The following HRH4 variants were observed in gnomAD, a reference collection of about 807,000 sequenced individuals.
HRH4 encodes histamine H4 receptor.
A neutral mutation model predicts 10.4 loss-of-function variants in HRH4; 12 were observed. That is an observed-to-expected ratio of 1.15 (90% CI 0.74 to 1.87). The LOEUF (loss-of-function observed/expected upper bound fraction) is 1.87. Among genes scored for constraint, HRH4 ranks in the 40% most tolerant of loss-of-function variants. The pLI is 0.00. For missense variants in HRH4, 415 were observed against 453.3 expected (o/e 0.92, Z 0.77); for synonymous variants, 154 against 166.6 (o/e 0.92, Z 0.58).
chr18:24,470,328 A>G (rs1909898128), intron 2 of HRH4, among the ~76,000 whole-genome samples: 1 of 152,154 alleles, frequency 6.6e-6, no homozygotes, highest in South Asian at 2.1e-4. Flanking sequence ...CATTATCAAG[A>G]GCCAGATAGC....
intron 2 of HRH4, among the ~76,000 whole-genome samples, chr18:24,474,409 T>C (rs1372589209): frequency 1.3e-5 from 2 of 152,178 alleles, no homozygotes; most frequent in South Asian, 2.1e-4. Flanking sequence ...TTAGTGTTTT[T>C]ATTTTTAAAT....
chr18:24,462,107 G>A (rs918753549), intron 1 of HRH4, among the ~76,000 whole-genome samples: 3 of 152,192 alleles, frequency 2.0e-5, no homozygotes, highest in Non-Finnish European at 4.4e-5. Context: ...TCCATAGTCA[G>A]AGATAGGGCG....
At position 24,460,716 on chromosome 18, in the gene HRH4, A is replaced by G; in HGVS notation, c.-13A>G. 6.7e-7 allele frequency: 1 copy of G among 1,485,558 alleles called. No individual in the cohort carries two copies. Among genetic ancestry groups the G allele is most frequent in the Non-Finnish European group, 9.1e-7 (1 of 1,103,736 alleles). The allele number at this position is 1,485,558 out of a possible 1,614,324, so 92.0% of individuals were successfully genotyped here. Reference sequence around the variant, plus strand: ...TTAATTTGCTAATTTGACCTTCTTCATCATTTGATGTGATGCCAGATACTA... The same window carrying G: ...TTAATTTGCTAATTTGACCTTCTTCGTCATTTGATGTGATGCCAGATACTA... On this transcript the variant is annotated 5_prime_UTR_variant, in exon 1 of 3. Transcript: ENST00000256906.
intron 1 of HRH4, among the ~76,000 whole-genome samples, chr18:24,468,195 A>G (rs536749063): frequency 6.6e-6 from 1 of 152,040 alleles, no homozygotes; most frequent in African/African-American, 2.4e-5. Flanking sequence ...CCTCCCATAT[A>G]CTTTATTATT....
intron 1 of HRH4, among the ~76,000 whole-genome samples, chr18:24,467,667 C>T (rs1012658244): frequency 7.9e-5 from 12 of 152,172 alleles, no homozygotes; most frequent in Non-Finnish European, 1.5e-4. Flanking sequence ...CCTCAGCCTC[C>T]TGAATAACTG....
intron 1 of HRH4, among the ~76,000 whole-genome samples, chr18:24,466,746 G>T (rs945730149): frequency 8.6e-5 from 13 of 151,752 alleles, no homozygotes; most frequent in Non-Finnish European, 1.8e-4. Context: ...GACTAATTTG[G>T]TTCTCATGAA....
rs1228077674 is a variant in HRH4, at chr18:24,460,689, G to T, written c.-40G>T. ...CATACTTGTCAGAATTGTCTGGCTG[G>T]ATTAATTTGCTAATTTGACCTTCTT... On this transcript the variant is annotated 5_prime_UTR_variant, in exon 1 of 3. Transcript: ENST00000256906. 1.9e-5 allele frequency: 26 copies of T among 1,348,508 alleles called. No homozygotes were observed. The highest frequency in any genetic ancestry group is 2.5e-4 in the Middle Eastern group (1 of 3,976). The allele number at this position is 1,348,508 out of a possible 1,614,324, so 83.5% of individuals were successfully genotyped here.
intron 1 of HRH4, among the ~76,000 whole-genome samples, chr18:24,467,395 G>A (rs1909804933): frequency 6.6e-6 from 1 of 152,198 alleles, no homozygotes; most frequent in Non-Finnish European, 1.5e-5. Flanking sequence ...TAATGCATGA[G>A]AGAGGGAAAG....
At chr18:24,469,780 T>C (rs956626374) in intron 2 of HRH4, among the ~76,000 whole-genome samples, 5 of 152,138 alleles carry the variant, frequency 3.3e-5, no homozygotes, top group African/African-American at 1.2e-4. Context: ...TGTTTTGGCC[T>C]CAGGGGGTAT....
At chr18:24,473,545 G>C (rs1416371820) in intron 2 of HRH4, among the ~76,000 whole-genome samples, 1 of 152,176 alleles carries the variant, frequency 6.6e-6, no homozygotes, top group Non-Finnish European at 1.5e-5. Context: ...GTAACGTGGT[G>C]TTGTCTCCCT....
intron 1 of HRH4, among the ~76,000 whole-genome samples, chr18:24,468,576 A>G (rs755687662): frequency 1.3e-5 from 2 of 152,210 alleles, no homozygotes; most frequent in Non-Finnish European, 2.9e-5. Flanking sequence ...CCACTGTGCA[A>G]TGTTCATGAC....
In HRH4 at chr18:24,468,828, C is replaced by A; in HGVS notation, c.234C>A (p.Phe78Leu). 1.2e-6 allele frequency: 2 copies of A among 1,613,930 alleles called. No individual in the cohort carries two copies. The highest frequency in any genetic ancestry group is 1.7e-6 in the Non-Finnish European group (2 of 1,179,934). The change falls in exon 2 of 3, where the codon TTC (phenylalanine) becomes TTA (leucine). Residue 78 changes from phenylalanine to leucine, a missense_variant. Phe to Leu is a conservative substitution (Grantham distance 22). Transcript: ENST00000256906. ...SIPLYIPHTL[F>L]EWDFGKEICV... ...CTTTGTACATCCCTCACACGCTGTTCGAATGGGATTTTGGAAAGGAAATCT... is the reference window on the plus strand; with the variant it reads ...CTTTGTACATCCCTCACACGCTGTTAGAATGGGATTTTGGAAAGGAAATCT...
At chr18:24,474,715 T>G (rs1361748767) in intron 2 of HRH4, among the ~76,000 whole-genome samples, 1 of 145,778 alleles carries the variant, frequency 6.9e-6, no homozygotes, top group Non-Finnish European at 1.5e-5. Flanking sequence ...TTTTTGAGAG[T>G]CTCACTCTGT....
chr18:24,477,030 C>T lies in HRH4; in HGVS notation c.641C>T (p.Pro214Leu). Reference sequence around the variant, plus strand: ...CATCTCAGTAGGTGCCAAAGCCATCCTGGACTGACTGCTGTCTCTTCCAAC... The same window carrying T: ...CATCTCAGTAGGTGCCAAAGCCATCTTGGACTGACTGCTGTCTCTTCCAAC... ...RDHLSRCQSH[P>L]GLTAVSSNIC... The change falls in exon 3 of 3, where the codon CCT (proline) becomes CTT (leucine). Residue 214 changes from proline to leucine, a missense_variant. Pro to Leu is a moderately conservative substitution (Grantham distance 98). Coordinates refer to ENST00000256906, the MANE Select transcript of HRH4 (RefSeq NM_021624.4). 6.2e-7 allele frequency: 1 copy of T among 1,614,194 alleles called. No individual in the cohort carries two copies. Among genetic ancestry groups the T allele is most frequent in the Non-Finnish European group, 8.5e-7 (1 of 1,180,026 alleles).
chr18:24,472,027 G>GT (rs549203192), intron 2 of HRH4, among the ~76,000 whole-genome samples: 1 of 151,864 alleles, frequency 6.6e-6, no homozygotes, highest in Admixed American at 6.6e-5. Flanking sequence ...CTTTCTTTTT[G>GT]TTTTTTTGCT....
chr18:24,460,939 A>G lies in HRH4; in HGVS notation c.193+18A>G, dbSNP rs759306384. ...CTTTGTGGGTAAGTTATATGTCTTT[A>G]TTTAAGACAGTCTTTTCCGATTTTA... On this transcript the variant is annotated intron_variant, in intron 1 of 2. Coordinates refer to ENST00000256906, the MANE Select transcript of HRH4 (RefSeq NM_021624.4). 9 of 1,436,308 alleles carry G rather than the reference A, an allele frequency of 6.3e-6. No homozygotes were observed. Among genetic ancestry groups the G allele is most frequent in the East Asian group, 2.3e-5 (1 of 43,012 alleles). The allele number at this position is 1,436,308 out of a possible 1,614,324, so 89.0% of individuals were successfully genotyped here. A position where few individuals can be genotyped will look rare whatever the true frequency, so the allele number is the denominator to read the frequency against.
intron 1 of HRH4, among the ~76,000 whole-genome samples, chr18:24,464,837 G>A (rs948600177): frequency 6.6e-6 from 1 of 152,124 alleles, no homozygotes; most frequent in Non-Finnish European, 1.5e-5. Flanking sequence ...CAGGGGCATG[G>A]AGACAGAAAA....
chr18:24,474,474 A>C (rs1186020265), intron 2 of HRH4, among the ~76,000 whole-genome samples: 1 of 152,188 alleles, frequency 6.6e-6, no homozygotes, highest in Non-Finnish European at 1.5e-5. Flanking sequence ...AGCCTGTAGG[A>C]TCCATCAAAG....
chr18:24,476,668 A>T (rs1599780937), intron 2 of HRH4, 79 bp from the exon 3 acceptor site: 1 of 1,116,130 alleles, frequency 9.0e-7, no homozygotes. Flanking sequence ...ACATCCCTGA[A>T]ATTTCTAAGG....
Sources: allele counts gnomAD v4.1 joint callset (sites outside exome capture counted in the v4.1 genomes callset), GRCh38; gene constraint gnomAD v4.1.1; transcripts MANE v1.5; gene names NCBI Gene and HGNC (gene_info 2026-07-23, HGNC 2026-07-21).